MGAT4C: variants seen among roughly 807,000 people sequenced by gnomAD.
MGAT4C encodes MGAT4 family member C, also known as alpha-1,3-mannosyl-glycoprotein 4-beta-N-acetylglucosaminyltransferase C.
MGAT4C carries 19 observed loss-of-function variants against 40.1 expected under a neutral mutation model. That is an observed-to-expected ratio of 0.47 (90% confidence interval 0.33 to 0.70). The LOEUF is 0.70. Ranked by LOEUF, MGAT4C falls within the 30% of genes least tolerant of loss-of-function variation. The pLI, the probability that MGAT4C is intolerant of heterozygous loss-of-function variation, is 0.02. For synonymous variants in MGAT4C, 181 were observed against 187.1 expected, an observed-to-expected ratio of 0.97 and a Z score of 0.27; for missense variants, 491 against 563.2, an observed-to-expected ratio of 0.87 and a Z score of 1.30.
intron 1 of MGAT4C, among the ~76,000 whole-genome samples, chr12:86,095,912 A>T (rs1193336204): frequency 1.3e-5 from 2 of 151,834 alleles, no homozygotes; most frequent in African/African-American, 2.4e-5. Context: ...TATTATCAAC[A>T]CTGCTTACAT....
At chr12:86,021,480 T>C (rs1889722696) in intron 2 of MGAT4C, among the ~76,000 whole-genome samples, 1 of 150,344 alleles carries the variant, frequency 6.7e-6, no homozygotes, top group Non-Finnish European at 1.5e-5. Flanking sequence ...CAGCAAACTA[T>C]TGCAAGGACA....
chr12:86,686,102 A>T (rs1184054088), intron 2 of MGAT4C, among the ~76,000 whole-genome samples: 1 of 151,232 alleles, frequency 6.6e-6, no homozygotes. Context: ...GATGGTCTCG[A>T]TCTCCTGACC....
chr12:86,791,017 G>A (rs1593210211), intron 1 of MGAT4C, among the ~76,000 whole-genome samples: 1 of 152,116 alleles, frequency 6.6e-6, no homozygotes, highest in African/African-American at 2.4e-5. Flanking sequence ...GCCTGAAGAA[G>A]CTCTTCTGAC....
At chr12:86,385,988 T>C (rs936107759) in intron 3 of MGAT4C, among the ~76,000 whole-genome samples, 3 of 152,204 alleles carry the variant, frequency 2.0e-5, no homozygotes, top group Non-Finnish European at 1.5e-5. Context: ...TGGAGTGCAG[T>C]GGCAAGATCT....
intron 3 of MGAT4C, among the ~76,000 whole-genome samples, chr12:86,349,936 T>G (rs1955124118): frequency 6.6e-6 from 1 of 152,062 alleles, no homozygotes; most frequent in Non-Finnish European, 1.5e-5. Flanking sequence ...AAATTCTTTC[T>G]AAACTAAAAT....
At chr12:86,718,472 A>G (rs1279808835) in intron 2 of MGAT4C, among the ~76,000 whole-genome samples, 1 of 152,192 alleles carries the variant, frequency 6.6e-6, no homozygotes, top group Non-Finnish European at 1.5e-5. Context: ...TCACTTGCAT[A>G]GCCAGGGCCT....
intron 2 of MGAT4C, among the ~76,000 whole-genome samples, chr12:86,612,364 T>C (rs191929367): frequency 6.0e-4 from 91 of 152,326 alleles, no homozygotes; most frequent in Non-Finnish European, 1.1e-3. Flanking sequence ...TCATCTTCCA[T>C]AGATGCCTGT....
intron 4 of MGAT4C, among the ~76,000 whole-genome samples, chr12:86,332,391 T>C (rs1158918129): frequency 6.6e-6 from 1 of 151,818 alleles, no homozygotes; most frequent in African/African-American, 2.4e-5. Flanking sequence ...GATTTTTTTT[T>C]CTTTTTTTGG....
In MGAT4C at chr12:86,711,500, T is replaced by C. The variant is rs558239712; in HGVS notation, c.-229+15709A>G. 2.7e-4 allele frequency among the ~76,000 whole-genome samples: 41 copies of C among 152,292 alleles called. 3 individuals are homozygous for C. In the East Asian group the frequency reaches 3.1e-3, roughly 11 times the overall value. On this transcript the variant is annotated intron_variant, in intron 2 of 7. Transcript: ENST00000548651. The stretch of plus-strand genomic sequence containing the variant: ...AATAATCACAAATGTGTACTTAAGA[T>C]TTTGTGTATAGATGGTCACTACACT...
chr12:86,489,967 G>A (rs1385083142), intron 2 of MGAT4C, among the ~76,000 whole-genome samples: 6 of 152,206 alleles, frequency 3.9e-5, no homozygotes, highest in East Asian at 1.9e-4. Flanking sequence ...TGAAAGTGAC[G>A]GGGAGAATGG....
At chr12:86,814,683 C>A (rs371346171) in intron 1 of MGAT4C, among the ~76,000 whole-genome samples, 12 of 151,938 alleles carry the variant, frequency 7.9e-5, no homozygotes, top group East Asian at 5.8e-4. Flanking sequence ...TGGTGATATT[C>A]CAAGGTCGAG....
intron 2 of MGAT4C, among the ~76,000 whole-genome samples, chr12:86,606,208 G>A (rs917646206): frequency 2.6e-5 from 4 of 152,026 alleles, no homozygotes; most frequent in Non-Finnish European, 4.4e-5. Flanking sequence ...ATTACAATTC[G>A]TGATGAGATT....
At chr12:86,588,337 C>A (rs1478285559) in intron 2 of MGAT4C, among the ~76,000 whole-genome samples, 1 of 151,916 alleles carries the variant, frequency 6.6e-6, no homozygotes, top group Non-Finnish European at 1.5e-5. Flanking sequence ...GGAATCAATT[C>A]AACAAGAAGA....
chr12:86,703,500 C>A (rs991736261), intron 2 of MGAT4C, among the ~76,000 whole-genome samples: 1 of 152,134 alleles, frequency 6.6e-6, no homozygotes, highest in African/African-American at 2.4e-5. Context: ...GAGGCAAGAC[C>A]TTCCACCAAC....
At chr12:86,203,046 GTGTGTGTGTT>G (rs958271829) in intron 1 of MGAT4C, among the ~76,000 whole-genome samples, 101 of 91,584 alleles carry the variant, frequency 1.1e-3, no homozygotes, top group East Asian at 3.5e-3. Flanking sequence ...GTGTGTGTGT[GTGTGTGTGTT>G]TTTACATAGC....
chr12:86,269,009 C>A (rs2136105297), intron 4 of MGAT4C, among the ~76,000 whole-genome samples: 2 of 71,336 alleles, frequency 2.8e-5, no homozygotes, highest in Admixed American at 1.8e-4. Flanking sequence ...TTCTTTCATA[C>A]TTACATATAT....
In MGAT4C at chr12:86,194,456, AT is replaced by A. The variant is rs763005541; in HGVS notation, c.-57+61782del. 5.2e-3 allele frequency among the ~76,000 whole-genome samples: 740 copies of A among 142,612 alleles called. 5 individuals carry two copies. The highest frequency in any genetic ancestry group is 0.011 in the African/African-American group (425 of 39,058). 93.6% of individuals were successfully genotyped at this position (142,612 alleles called of 152,430 possible). Reference sequence around the variant, plus strand: ...GAGGCAGGAGAGTAGGAGCAAATCAATTTTTTTTTTTTTTTGAGACAGAGTT... The same window carrying A: ...GAGGCAGGAGAGTAGGAGCAAATCAATTTTTTTTTTTTTTGAGACAGAGTT... On this transcript the variant is annotated intron_variant, in intron 1 of 4. Transcript: ENST00000611864.
intron 2 of MGAT4C, among the ~76,000 whole-genome samples, chr12:86,551,154 GC>G (rs1480560715): frequency 1.3e-5 from 2 of 152,226 alleles, no homozygotes; most frequent in Non-Finnish European, 2.9e-5. Context: ...TGGTGAGCAT[GC>G]CCCCAGGCCA....
chr12:86,697,376 G>A (rs1048868280), intron 2 of MGAT4C, among the ~76,000 whole-genome samples: 1 of 151,956 alleles, frequency 6.6e-6, no homozygotes, highest in Non-Finnish European at 1.5e-5. Context: ...GGGAATCGTA[G>A]ATAGCTGGAT....
Sources: allele counts gnomAD v4.1 joint callset (sites outside exome capture counted in the v4.1 genomes callset), GRCh38; gene constraint gnomAD v4.1.1; transcripts MANE v1.5; gene names NCBI Gene and HGNC (gene_info 2026-07-23, HGNC 2026-07-21).